DAB2IP: variants seen among roughly 807,000 people sequenced by gnomAD.
The protein encoded by DAB2IP is disabled homolog 2-interacting protein.
In DAB2IP, 28 loss-of-function variants were observed where a neutral mutation model predicts 107.2. The observed-to-expected ratio is 0.26, with a 90% CI of 0.19 to 0.36. The LOEUF is 0.36. Among genes scored for constraint, DAB2IP ranks in the 10% least tolerant of loss-of-function variants. The probability of loss-of-function intolerance (pLI) is 1.00; values close to 1 mark genes in which losing one functional copy is unlikely to be tolerated. For synonymous variants in DAB2IP, 755 were observed against 706.4 expected (o/e 1.07, Z -1.09); for missense variants, 1,400 against 1,644.7 (o/e 0.85, Z 2.57).
chr9:121,650,901 C>T (rs547597347), upstream of DAB2IP, among the ~76,000 whole-genome samples: 2 of 152,170 alleles, frequency 1.3e-5, no homozygotes, highest in Admixed American at 1.3e-4. Flanking sequence ...TATTTGGGGT[C>T]CAAATAACAA....
intron 1 of DAB2IP, among the ~76,000 whole-genome samples, chr9:121,670,405 A>G (rs1309813998): frequency 6.6e-6 from 1 of 152,260 alleles, no homozygotes; most frequent in Non-Finnish European, 1.5e-5. Context: ...CCAGACCAAA[A>G]TCAAGGTGTC....
chr9:121,666,405 G>A (rs1833426213), intron 1 of DAB2IP, among the ~76,000 whole-genome samples: 1 of 152,252 alleles, frequency 6.6e-6, no homozygotes, highest in African/African-American at 2.4e-5. Context: ...CGTAGCACAG[G>A]TGGGTAAGGT....
At chr9:121,615,061 C>G (rs1246009176) in intron 1 of DAB2IP, among the ~76,000 whole-genome samples, 1 of 152,116 alleles carries the variant, frequency 6.6e-6, no homozygotes, top group Admixed American at 6.5e-5. Context: ...TTATCTCAAG[C>G]ACTGTGCCCT....
intron 3 of DAB2IP, among the ~76,000 whole-genome samples, chr9:121,709,243 A>G (rs954340425): frequency 2.6e-5 from 4 of 152,184 alleles, no homozygotes; most frequent in Non-Finnish European, 5.9e-5. Context: ...GGTTTACTGC[A>G]TTCAGGTCAT....
intron 1 of DAB2IP, among the ~76,000 whole-genome samples, chr9:121,607,224 G>T (rs1830914730): frequency 6.6e-6 from 1 of 152,154 alleles, no homozygotes; most frequent in Non-Finnish European, 1.5e-5. Context: ...GAGGTCTGAT[G>T]GATGCTAGGG....
At chr9:121,600,138 C>T (rs533979625) in intron 1 of DAB2IP, among the ~76,000 whole-genome samples, 1 of 152,196 alleles carries the variant, frequency 6.6e-6, no homozygotes, top group South Asian at 2.1e-4. Context: ...CCTACCGATC[C>T]CCAAGGCTTC....
chr9:121,706,075 C>T (rs759643868), intron 3 of DAB2IP, among the ~76,000 whole-genome samples: 15 of 152,172 alleles, frequency 9.9e-5, no homozygotes, highest in East Asian at 3.8e-4. Context: ...GCTGCCAGTC[C>T]GCTCCCTTGT....
At position 121,702,565 on chromosome 9, in the gene DAB2IP, T is replaced by A. The variant is rs116246845; in HGVS notation, c.362+3107T>A. 1.0e-2 allele frequency among the ~76,000 whole-genome samples: 1,517 copies of A among 152,340 alleles called. 30 individuals are homozygous for A. The highest frequency in any genetic ancestry group is 0.033 in the African/African-American group (1,390 of 41,566). ...ACCAAGGACAGGTGATCATTTCTCC[T>A]GGGTAACAAACACATGCTGCTTGGA... On this transcript the variant is annotated intron_variant, in intron 3 of 15. Coordinates refer to ENST00000408936, the Ensembl canonical transcript of DAB2IP. This position sits in a 1 kb window ranked among gnomAD's most constrained non-coding sequence, Gnocchi z 4.5.
intron 1 of DAB2IP, among the ~76,000 whole-genome samples, chr9:121,667,002 G>A (rs954059839): frequency 6.6e-6 from 1 of 151,826 alleles, no homozygotes; most frequent in Non-Finnish European, 1.5e-5. Context: ...TCCATGACTT[G>A]TTGCATGGTG....
rs1229649146 is a variant in DAB2IP, at chr9:121,663,366, A to G, written c.124+11467A>G. On this transcript the variant is annotated intron_variant, in intron 1 of 15. Coordinates refer to ENST00000408936, the Ensembl canonical transcript of DAB2IP. The stretch of plus-strand genomic sequence containing the variant: ...GATGTAACTGGGAAGGATGTGTCTC[A>G]TTAGCACCTCTGCCCCACCTCTGGA... Among the ~76,000 whole-genome samples the G allele has an allele frequency of 8.5e-5, 13 of 152,282 alleles. No individual in the cohort carries two copies. The East Asian group carries it at 2.5e-3, about 29-fold the overall frequency.
chr9:121,775,018 ACT>A (rs1188492183), intron 13 of DAB2IP, among the ~76,000 whole-genome samples: 1 of 151,862 alleles, frequency 6.6e-6, no homozygotes, highest in African/African-American at 2.4e-5. Context: ...TAAAAATGAA[ACT>A]CTCACTCTGC....
At chr9:121,601,857 G>A (rs940222851) in intron 1 of DAB2IP, among the ~76,000 whole-genome samples, 2 of 151,316 alleles carry the variant, frequency 1.3e-5, no homozygotes, top group Non-Finnish European at 2.9e-5. Context: ...CACATGCTTC[G>A]CTTTTGATCC....
At chr9:121,751,111 C>CT (rs1483443427) in intron 3 of DAB2IP, 5 of 214,628 alleles carry the variant, frequency 2.3e-5, no homozygotes, top group Middle Eastern at 2.0e-3. Context: ...GGACCTTTCC[C>CT]CCTGCCCGGC....
intron 5 of DAB2IP, 29 bp downstream of exon 5, chr9:121,759,025 T>C (rs1370963922): frequency 6.3e-6 from 10 of 1,589,714 alleles, no homozygotes; most frequent in African/African-American, 1.3e-5. Flanking sequence ...CACCAAAGCA[T>C]GGGGGATTGA....
At chr9:121,759,159 G>A (rs970750224) in intron 5 of DAB2IP, among the ~76,000 whole-genome samples, 163 bp downstream of exon 5, 11 of 152,186 alleles carry the variant, frequency 7.2e-5, no homozygotes, top group African/African-American at 2.2e-4. Context: ...TGAAAGAGAC[G>A]TTTGAGTTGA....
exon 9 of DAB2IP, chr9:121,766,527 C>T (rs763145755): frequency 6.2e-7 from 1 of 1,610,820 alleles, no homozygotes; most frequent in Non-Finnish European, 8.5e-7. Context: ...AGGTGTTTGC[C>T]TCGTGGAGGC....
intron 1 of DAB2IP, among the ~76,000 whole-genome samples, chr9:121,605,474 G>A (rs1830838022): frequency 6.6e-6 from 1 of 152,110 alleles, no homozygotes; most frequent in African/African-American, 2.4e-5. Flanking sequence ...AATGAGAATA[G>A]CCAAATTCAC....
chr9:121,743,462 G>A (rs1235330558), intron 3 of DAB2IP, among the ~76,000 whole-genome samples: 2 of 151,740 alleles, frequency 1.3e-5, no homozygotes, highest in African/African-American at 2.4e-5. Context: ...TTCCTGTATA[G>A]GAAAAAGGGA....
At chr9:121,755,269 G>A (rs1833398140) in intron 3 of DAB2IP, among the ~76,000 whole-genome samples, 1 of 152,226 alleles carries the variant, frequency 6.6e-6, no homozygotes. Flanking sequence ...TGGCAGGTAG[G>A]CCAGTGCCCC....
Sources: allele counts gnomAD v4.1 joint callset (sites outside exome capture counted in the v4.1 genomes callset), GRCh38; gene constraint gnomAD v4.1.1; non-coding constraint Gnocchi (gnomAD v3.1); transcripts MANE v1.5; gene names NCBI Gene and HGNC (gene_info 2026-07-23, HGNC 2026-07-21).